The following MLLT3 variants were observed in gnomAD, a reference collection of about 807,000 sequenced individuals.
MLLT3 encodes MLLT3 super elongation complex subunit.
Under a neutral mutation model 53.2 loss-of-function variants are expected in MLLT3, and 4 were observed. The ratio of observed to expected loss-of-function variants is 0.08; its 90% CI spans 0.04 to 0.17. The LOEUF is 0.17. Among genes scored for constraint, MLLT3 ranks in the 10% least tolerant of loss-of-function variants. MLLT3 has a pLI of 1.00. For synonymous variants in MLLT3, 283 were observed against 230.6 expected, an observed-to-expected ratio of 1.23 and a Z score of -2.06; for missense variants, 569 against 684.0, an observed-to-expected ratio of 0.83 and a Z score of 1.87.
chr9:20,540,172 C>T (rs1320493272), intron 2 of MLLT3, among the ~76,000 whole-genome samples: 4 of 152,214 alleles, frequency 2.6e-5, no homozygotes, highest in East Asian at 3.8e-4. Flanking sequence ...AAGGTAGAGC[C>T]GCCACAGCTG....
chr9:20,390,378 T>C (rs540295991), intron 5 of MLLT3, among the ~76,000 whole-genome samples: 60 of 152,306 alleles, frequency 3.9e-4, no homozygotes, highest in African/African-American at 1.3e-3. Context: ...AAAATGAAGA[T>C]GGATCTACAA....
intron 2 of MLLT3, among the ~76,000 whole-genome samples, chr9:20,567,194 A>AT (rs1318920906): frequency 6.6e-6 from 1 of 151,166 alleles, no homozygotes; most frequent in African/African-American, 2.4e-5. Flanking sequence ...AAAAAAAAAA[A>AT]AAAGTAGGGC....
intron 5 of MLLT3, among the ~76,000 whole-genome samples, chr9:20,383,581 G>A (rs1821957025): frequency 6.6e-6 from 1 of 151,834 alleles, no homozygotes; most frequent in Non-Finnish European, 1.5e-5. Flanking sequence ...ACAACGCAAA[G>A]CAGTTAGGAC....
chr9:20,545,668 C>T (rs916257090), intron 2 of MLLT3, among the ~76,000 whole-genome samples: 1 of 151,728 alleles, frequency 6.6e-6, no homozygotes, highest in Non-Finnish European at 1.5e-5. Context: ...CATCTTTAAC[C>T]GTATTAGATT....
intron 4 of MLLT3, among the ~76,000 whole-genome samples, chr9:20,422,282 T>G (rs1018575657): frequency 5.9e-5 from 9 of 152,338 alleles, no homozygotes; most frequent in Admixed American, 5.9e-4. Context: ...TTGTTTCGAC[T>G]TTTGAATAAT....
intron 5 of MLLT3, among the ~76,000 whole-genome samples, chr9:20,379,643 G>T (rs1821858244): frequency 6.6e-6 from 1 of 151,966 alleles, no homozygotes; most frequent in African/African-American, 2.4e-5. Flanking sequence ...CAAACTTTAG[G>T]TTTTAATTTA....
chr9:20,462,622 A>C (rs1824138927), intron 2 of MLLT3, among the ~76,000 whole-genome samples: 1 of 152,026 alleles, frequency 6.6e-6, no homozygotes, highest in East Asian at 1.9e-4. Context: ...CCAATACTCA[A>C]AACAAAAAAT....
chr9:20,572,835 A>G (rs1482685790), intron 2 of MLLT3, among the ~76,000 whole-genome samples: 1 of 152,150 alleles, frequency 6.6e-6, no homozygotes, highest in East Asian at 1.9e-4. Flanking sequence ...TAACATCCAG[A>G]TTTCTCAGTT....
intron 5 of MLLT3, among the ~76,000 whole-genome samples, chr9:20,366,752 G>A (rs1446969672): frequency 6.6e-6 from 1 of 152,126 alleles, no homozygotes; most frequent in Admixed American, 6.5e-5. Flanking sequence ...GGTGTGAGAG[G>A]ATATCTCATT....
At chr9:20,487,609 CA>C (rs1451086570) in intron 2 of MLLT3, among the ~76,000 whole-genome samples, 1 of 152,088 alleles carries the variant, frequency 6.6e-6, no homozygotes, top group African/African-American at 2.4e-5. Context: ...TAGAAGGGTC[CA>C]TCTGTACCAA....
In MLLT3 at chr9:20,466,763, TAAATG is replaced by T. The variant is rs913993304; in HGVS notation, c.194-9982_194-9978del. ...GGGGACAAATATAAGAGCACAAACA[TAAATG>T]AAAGAGAAATCAAAACAAACATAAA... is the stretch of plus-strand genomic sequence containing the variant. On this transcript the variant is annotated intron_variant, in intron 2 of 10. Transcript: ENST00000380338. 3.2e-4 allele frequency among the ~76,000 whole-genome samples: 48 copies of T among 152,218 alleles called. No homozygotes were observed. In the South Asian group the frequency reaches 3.5e-3, roughly 11 times the overall value.
intron 3 of MLLT3, among the ~76,000 whole-genome samples, chr9:20,454,277 G>A (rs966799973): frequency 2.0e-5 from 3 of 152,100 alleles, no homozygotes; most frequent in African/African-American, 4.8e-5. Context: ...GTGTGTGTGC[G>A]TGCGCGTATG....
chr9:20,597,367 TAA>T (rs1197045313), intron 2 of MLLT3, among the ~76,000 whole-genome samples: 3 of 143,416 alleles, frequency 2.1e-5, no homozygotes, highest in African/African-American at 7.6e-5. Flanking sequence ...CACAGTGACT[TAA>T]AAAAAAAAAA....
chr9:20,444,364 A>C (rs999807935), intron 4 of MLLT3, among the ~76,000 whole-genome samples: 2 of 152,168 alleles, frequency 1.3e-5, no homozygotes, highest in African/African-American at 4.8e-5. Flanking sequence ...CTTAAAATTA[A>C]AAGACATATT....
intron 2 of MLLT3, among the ~76,000 whole-genome samples, chr9:20,505,052 T>C (rs1825350567): frequency 1.3e-5 from 2 of 152,210 alleles, no homozygotes; most frequent in South Asian, 4.1e-4. Flanking sequence ...ACAAAACAGA[T>C]GCAAGAACAT....
chr9:20,508,586 A>T (rs751195002), intron 2 of MLLT3, among the ~76,000 whole-genome samples: 3 of 152,234 alleles, frequency 2.0e-5, no homozygotes, highest in Non-Finnish European at 4.4e-5. Flanking sequence ...GAAATGATTT[A>T]GATGGGTAAG....
chr9:20,441,994 T>C lies in MLLT3; in HGVS notation c.420+6129A>G, dbSNP rs57618010. ...TTAAAGAGGCTTCCGTATCTTTTTG[T>C]AACCTTTCCAAATGTAAGTATGTGG... On this transcript the variant is annotated intron_variant, in intron 4 of 10. Coordinates refer to ENST00000380338, the MANE Select transcript of MLLT3 (RefSeq NM_004529.4). Among the ~76,000 whole-genome samples, 793 of 152,282 alleles carry C rather than the reference T, an allele frequency of 5.2e-3. 10 individuals carry two copies. Among genetic ancestry groups the C allele is most frequent in the African/African-American group, 0.018 (760 of 41,570 alleles).
intron 5 of MLLT3, among the ~76,000 whole-genome samples, chr9:20,407,207 G>C (rs934319817): frequency 6.6e-6 from 1 of 152,200 alleles, no homozygotes; most frequent in African/African-American, 2.4e-5. Flanking sequence ...TTGTTATTTG[G>C]TGGCATCTTC....
At chr9:20,425,058 A>G (rs1044890150) in intron 4 of MLLT3, among the ~76,000 whole-genome samples, 4 of 152,182 alleles carry the variant, frequency 2.6e-5, no homozygotes, top group African/African-American at 9.6e-5. Context: ...TTACAACGTA[A>G]GTGTCTGAAC....
Sources: allele counts gnomAD v4.1 joint callset (sites outside exome capture counted in the v4.1 genomes callset), GRCh38; gene constraint gnomAD v4.1.1; transcripts MANE v1.5; gene names NCBI Gene and HGNC (gene_info 2026-07-23, HGNC 2026-07-21).